Variants in CNN3 observed in about 807,000 individuals in gnomAD.
The protein encoded by CNN3 is calponin-3.
Under a neutral mutation model 39.0 loss-of-function variants are expected in CNN3, and 11 were observed. The ratio of observed to expected loss-of-function variants is 0.28; its 90% confidence interval spans 0.18 to 0.47. The LOEUF (loss-of-function observed/expected upper bound fraction) is 0.47, where lower values mean the gene tolerates loss of function less well. Ranked by LOEUF, CNN3 falls within the 20% of genes least tolerant of loss-of-function variation. The pLI is 0.99. For missense variants in CNN3, 266 were observed against 403.4 expected, an observed-to-expected ratio of 0.66 and a Z score of 2.92; for synonymous variants, 101 against 138.3, an observed-to-expected ratio of 0.73 and a Z score of 1.89.
At chr1:94,916,464 CT>C (rs111945427) in intron 1 of CNN3, among the ~76,000 whole-genome samples, 5 of 152,284 alleles carry the variant, frequency 3.3e-5, no homozygotes, top group South Asian at 2.1e-4. Flanking sequence ...TCAGTGACTT[CT>C]CAGTAGCCAA....
chr1:94,925,656 C>T (rs115983872), intron 1 of CNN3: 44,657 of 985,442 alleles, frequency 0.045, 1,129 homozygotes, highest in South Asian at 0.059. Context: ...TCGCTTCACA[C>T]CGCCTACCCC....
At chr1:94,901,092 G>A (rs61772600) in intron 5 of CNN3, among the ~76,000 whole-genome samples, 13,776 of 152,042 alleles carry the variant, frequency 0.091, 703 homozygotes, top group Non-Finnish European at 0.11. Flanking sequence ...AGTAGTTCAC[G>A]CCTGTAATCC....
chr1:94,899,542 AC>A (rs766952776), intron 5 of CNN3, 25 bp from the exon 6 acceptor site: 1 of 1,607,674 alleles, frequency 6.2e-7, no homozygotes, highest in East Asian at 2.2e-5. Context: ...ATAAAATTGC[AC>A]AAATTATCAG....
intron 1 of CNN3, among the ~76,000 whole-genome samples, chr1:94,907,666 C>T (rs1206331158): frequency 1.3e-5 from 2 of 152,174 alleles, no homozygotes; most frequent in Non-Finnish European, 2.9e-5. Flanking sequence ...CAAGACCATC[C>T]TGGCTAACAC....
chr1:94,900,413 A>G lies in CNN3; in HGVS notation c.502-896T>C, dbSNP rs548811966. On this transcript the variant is annotated intron_variant, in intron 5 of 6. Transcript: ENST00000370206. ...TATAGATGCACATATATACAAATACATACAAAAACATGTGCATTTTTAATT... is the reference window on the plus strand; with the variant it reads ...TATAGATGCACATATATACAAATACGTACAAAAACATGTGCATTTTTAATT... Among the ~76,000 whole-genome samples the G allele has an allele frequency of 6.6e-5, 10 of 152,342 alleles. 1 individual carries two copies. In the East Asian group the frequency reaches 1.9e-3, roughly 29 times the overall value.
intron 1 of CNN3, among the ~76,000 whole-genome samples, chr1:94,918,137 G>A (rs1671332663): frequency 1.3e-5 from 2 of 152,152 alleles, no homozygotes; most frequent in African/African-American, 4.8e-5. Context: ...ATATCCAAAT[G>A]TACCCACCAC....
Position 94,903,400 on chromosome 1 carries a change from C to T in CNN3, c.179+3G>A, listed in dbSNP as rs754755226. 5.7e-6 allele frequency: 9 copies of T among 1,583,568 alleles called. No homozygotes were observed. The East Asian group carries it at 2.0e-4, about 35-fold the overall frequency. On this transcript the variant is annotated splice_donor_region_variant and intron_variant, in intron 2 of 6. Transcript: ENST00000370206. ...AAACAGATTCTGGAGGGCTGTAACT[C>T]ACTCGCAGAGGATGATGCCATCCTT...
intron 1 of CNN3, among the ~76,000 whole-genome samples, chr1:94,908,333 G>A (rs953371374): frequency 3.3e-5 from 5 of 152,150 alleles, no homozygotes; most frequent in African/African-American, 1.2e-4. Flanking sequence ...TCATGTTCCT[G>A]TGCCTGGGTC....
At chr1:94,904,993 T>A (rs1670959515) in intron 1 of CNN3, among the ~76,000 whole-genome samples, 1 of 152,124 alleles carries the variant, frequency 6.6e-6, no homozygotes, top group South Asian at 2.1e-4. Flanking sequence ...GACATTTTAG[T>A]CACAAAGAAG....
At chr1:94,898,398 T>C (rs1455059626) in intron 6 of CNN3, among the ~76,000 whole-genome samples, 1 of 152,176 alleles carries the variant, frequency 6.6e-6, no homozygotes, top group Non-Finnish European at 1.5e-5. Flanking sequence ...CTACCTACTC[T>C]GGATTTAAGA....
At position 94,903,492 on chromosome 1, in the gene CNN3, T is replaced by A; in HGVS notation, c.90A>T (p.Glu30Asp). The A allele has an allele frequency of 6.2e-7, 1 of 1,614,006 alleles. No homozygotes were observed. The highest frequency in any genetic ancestry group is 8.5e-7 in the Non-Finnish European group (1 of 1,179,940). Residue 30 changes from glutamate to aspartate, a missense_variant, in exon 2 of 7, where the codon GAA becomes GAT. By Grantham distance (45) the Glu-to-Asp change is conservative. Coordinates refer to ENST00000370206, the MANE Select transcript of CNN3 (RefSeq NM_001839.5). ...CCTCTTCTATCCAATTGCGAAGATCTTCTTCTGCCTGATGATCATACTTGG... is the reference window on the plus strand; with the variant it reads ...CCTCTTCTATCCAATTGCGAAGATCATCTTCTGCCTGATGATCATACTTGG... ...IASKYDHQAE[E>D]DLRNWIEEVT...
chr1:94,914,222 A>G (rs1187557586), intron 1 of CNN3, among the ~76,000 whole-genome samples: 1 of 152,172 alleles, frequency 6.6e-6, no homozygotes, highest in Non-Finnish European at 1.5e-5. Flanking sequence ...GTAACACTGA[A>G]GAACTGTCAT....
At chr1:94,923,001 AC>A (rs958747400) in intron 1 of CNN3, among the ~76,000 whole-genome samples, 1 of 152,168 alleles carries the variant, frequency 6.6e-6, no homozygotes, top group African/African-American at 2.4e-5. Context: ...TCCCAAAAAA[AC>A]ATACCGAGGT....
At chr1:94,922,481 G>C (rs1014214739) in intron 1 of CNN3, among the ~76,000 whole-genome samples, 1 of 152,084 alleles carries the variant, frequency 6.6e-6, no homozygotes, top group South Asian at 2.1e-4. Context: ...AGACACACCC[G>C]CGAATAAGAG....
chr1:94,919,496 C>A (rs1215786511), intron 1 of CNN3, among the ~76,000 whole-genome samples: 1 of 152,174 alleles, frequency 6.6e-6, no homozygotes, highest in Admixed American at 6.5e-5. Flanking sequence ...TTTCCTCCCA[C>A]AAGAAACAAA....
In CNN3 at chr1:94,898,024, CT is replaced by C. The variant is rs776824889; in HGVS notation, c.707del (p.Gln236ArgfsTer23). ...GGGAAATTGTCGAGTTGTCCACCGGCTGTAATGTTAGCTTCTGATCATAGAT... is the reference window on the plus strand; with the variant it reads ...GGGAAATTGTCGAGTTGTCCACCGGCGTAATGTTAGCTTCTGATCATAGAT... Reference protein sequence around the residue: ...RDIYDQKLTLQPVDNSTISLQ... With the variant: ...RDIYDQKLTLXPVDNSTISLQ... On this transcript the variant is annotated frameshift_variant, in exon 7 of 7. Transcript: ENST00000370206. LOFTEE classifies it high-confidence loss of function. 6.2e-7 allele frequency: 1 copy of C among 1,614,090 alleles called. No homozygotes were observed. Among genetic ancestry groups the C allele is most frequent in the Non-Finnish European group, 8.5e-7 (1 of 1,179,990 alleles).
intron 1 of CNN3, among the ~76,000 whole-genome samples, chr1:94,916,143 C>T (rs779049106): frequency 4.6e-5 from 7 of 152,146 alleles, no homozygotes; most frequent in Admixed American, 3.3e-4. Context: ...CATTTCCTCC[C>T]TTAGTACTCT....
rs941792451 is a variant in CNN3 at position 94,911,775 on chromosome 1, A to T, written c.58-8251T>A. Among the ~76,000 whole-genome samples, 24 of 152,278 alleles carry T rather than the reference A, an allele frequency of 1.6e-4. 1 individual carries two copies. The highest frequency in any genetic ancestry group is 1.9e-4 in the Non-Finnish European group (13 of 68,028). ...CAGAGGGAGACCCTGTCTCAAAAAA[A>T]ATATAAATAAGCCAGGCACAGTGGC... On this transcript the variant is annotated intron_variant, in intron 1 of 6. Coordinates refer to ENST00000370206, the MANE Select transcript of CNN3 (RefSeq NM_001839.5).
intron 1 of CNN3, among the ~76,000 whole-genome samples, chr1:94,909,234 G>C (rs567538828): frequency 1.3e-5 from 2 of 152,174 alleles, no homozygotes; most frequent in African/African-American, 4.8e-5. Flanking sequence ...GAGGTGAAAA[G>C]TGTTTCTTGT....
Sources: gnomAD v4.1 joint callset for allele counts (sites outside exome capture counted in the v4.1 genomes callset) on GRCh38, gnomAD v4.1.1 for gene constraint, MANE v1.5 for transcripts, NCBI Gene and HGNC (gene_info 2026-07-23, HGNC 2026-07-21) for gene names.